ADAM12: variants seen among roughly 807,000 people sequenced by gnomAD.
The protein encoded by ADAM12 is disintegrin and metalloproteinase domain-containing protein 12.
ADAM12 carries 70 observed loss-of-function variants against 106.4 expected under a neutral mutation model. That is an observed-to-expected ratio of 0.66 (90% confidence interval 0.54 to 0.80). The LOEUF (loss-of-function observed/expected upper bound fraction) is 0.80. ADAM12 is among the 30% of genes least tolerant of loss of function. The probability of loss-of-function intolerance (pLI) is 0.00; values close to 1 mark genes in which losing one functional copy is unlikely to be tolerated. For synonymous variants in ADAM12, 420 were observed against 433.5 expected (o/e 0.97, Z 0.39); for missense variants, 1,010 against 1,171.9 (o/e 0.86, Z 2.02).
intron 17 of ADAM12, among the ~76,000 whole-genome samples, chr10:126,044,687 A>T (rs929884724): frequency 6.6e-6 from 1 of 152,220 alleles, no homozygotes; most frequent in Non-Finnish European, 1.5e-5. Context: ...ACTTGTTTTG[A>T]TGAATCAACC....
chr10:126,320,065 ACAAAGGTTTTTACCCTC>A (rs1432617764), intron 2 of ADAM12, among the ~76,000 whole-genome samples: 1 of 152,234 alleles, frequency 6.6e-6, no homozygotes, highest in Non-Finnish European at 1.5e-5. Context: ...CTTCGCTATT[ACAAAGGTTTTTACCCTC>A]CAAAGTTTAG....
rs74157712 is a variant in ADAM12, at chr10:126,025,002, G to C, written c.2530-5177C>G. Among the ~76,000 whole-genome samples, 920 of 152,156 alleles carry C rather than the reference G, an allele frequency of 6.0e-3. 8 individuals carry two copies. The highest frequency in any genetic ancestry group is 0.021 in the African/African-American group (869 of 41,492). On this transcript the variant is annotated intron_variant, in intron 21 of 22. Transcript: ENST00000448723. ...ATTGCAGCAGCCTTACAGAAGAGTG[G>C]CCAGACTGTTAAACAGAAAACAACA... is the stretch of plus-strand genomic sequence containing the variant.
intron 3 of ADAM12, among the ~76,000 whole-genome samples, chr10:126,243,840 T>C (rs1161794908): frequency 2.0e-5 from 3 of 152,186 alleles, no homozygotes; most frequent in African/African-American, 7.2e-5. Flanking sequence ...CTTCTGATTG[T>C]CGTGGGATGG....
intron 2 of ADAM12, among the ~76,000 whole-genome samples, chr10:126,311,092 A>ACACACAC (rs1564724976): frequency 2.2e-5 from 1 of 44,894 alleles, no homozygotes; most frequent in African/African-American, 6.9e-5. Context: ...CATACACACA[A>ACACACAC]ATACACACAC....
At chr10:126,368,255 C>T in intron 1 of ADAM12, among the ~76,000 whole-genome samples, 1 of 151,862 alleles carries the variant, frequency 6.6e-6, no homozygotes, top group South Asian at 2.1e-4. Flanking sequence ...TCAGGCTACC[C>T]AGTTGTTATT....
chr10:126,179,480 G>C (rs1957275683), intron 3 of ADAM12, among the ~76,000 whole-genome samples: 1 of 152,252 alleles, frequency 6.6e-6, no homozygotes, highest in Non-Finnish European at 1.5e-5. Flanking sequence ...GTCAATTCTA[G>C]AGAGAAAGTT....
chr10:126,386,773 G>A (rs1029169763), intron 1 of ADAM12, among the ~76,000 whole-genome samples: 1 of 152,122 alleles, frequency 6.6e-6, no homozygotes, highest in Non-Finnish European at 1.5e-5. Flanking sequence ...GACACTTTCC[G>A]TTTTTTAAAA....
chr10:126,092,051 G>A (rs1232059209), intron 11 of ADAM12, among the ~76,000 whole-genome samples: 1 of 152,054 alleles, frequency 6.6e-6, no homozygotes, highest in Non-Finnish European at 1.5e-5. Context: ...TTTAAAAAAT[G>A]GTGTGAGAAT....
In ADAM12 at chr10:126,117,766, C is replaced by T. The variant is rs1278393; in HGVS notation, c.603+272G>A. Among the ~76,000 whole-genome samples, 13 of 118,000 alleles carry T rather than the reference C, an allele frequency of 1.1e-4. 1 individual carries two copies. The highest frequency in any genetic ancestry group is 4.6e-4 in the Admixed American group (5 of 10,774). The allele number at this position is 118,000 out of a possible 152,430, so 77.4% of individuals were successfully genotyped here. On this transcript the variant is annotated intron_variant, in intron 6 of 22. Coordinates refer to ENST00000448723, the MANE Select transcript of ADAM12 (RefSeq NM_001288973.2). ...CTTGTGGGGGTAGAAGTTGGGGGGGCGTAATTTTGTCATCCTTTGATCCCA... is the reference window on the plus strand; with the variant it reads ...CTTGTGGGGGTAGAAGTTGGGGGGGTGTAATTTTGTCATCCTTTGATCCCA...
chr10:126,135,730 G>A, intron 4 of ADAM12, 70 bp from the exon 5 acceptor site: 2 of 1,319,074 alleles, frequency 1.5e-6, no homozygotes, highest in Non-Finnish European at 2.2e-6. Flanking sequence ...TAAATCAACT[G>A]CCTCTTGTTT....
chr10:126,161,399 G>A (rs565881329), intron 3 of ADAM12, among the ~76,000 whole-genome samples: 11 of 152,256 alleles, frequency 7.2e-5, no homozygotes, highest in East Asian at 1.9e-4. Context: ...GACAGTGTCC[G>A]GGTGGTTTTG....
intron 1 of ADAM12, among the ~76,000 whole-genome samples, chr10:126,369,487 C>T (rs1856036128): frequency 6.6e-6 from 1 of 152,154 alleles, no homozygotes; most frequent in Non-Finnish European, 1.5e-5. Context: ...CAAGAACCGG[C>T]TGCCTGTGAG....
intron 17 of ADAM12, among the ~76,000 whole-genome samples, chr10:126,044,384 C>T (rs1954260453): frequency 6.6e-6 from 1 of 152,092 alleles, no homozygotes; most frequent in African/African-American, 2.4e-5. Flanking sequence ...ATGAGTGGGA[C>T]TACTGCACAA....
intron 3 of ADAM12, among the ~76,000 whole-genome samples, chr10:126,192,304 C>T (rs1957517762): frequency 6.6e-6 from 1 of 152,152 alleles, no homozygotes; most frequent in African/African-American, 2.4e-5. Context: ...GTGCCTGGTA[C>T]ATAGTAAATA....
chr10:126,210,401 G>A (rs945119459), intron 3 of ADAM12, among the ~76,000 whole-genome samples: 6 of 152,172 alleles, frequency 3.9e-5, no homozygotes, highest in African/African-American at 2.4e-5. Flanking sequence ...CATCAGCCCC[G>A]TGTGAGTCAC....
chr10:126,375,712 CAAG>C lies in ADAM12; in HGVS notation c.88+12343_88+12345del, dbSNP rs370121905. Among the ~76,000 whole-genome samples, 52 of 104,804 alleles carry C rather than the reference CAAG, an allele frequency of 5.0e-4. No individual in the cohort carries two copies. In the East Asian group the frequency reaches 5.1e-3, roughly 10 times the overall value. The allele number at this position is 104,804 out of a possible 152,430, so 68.8% of individuals were successfully genotyped here. ...TCATTAAAGTTAAAAAAAAAAAAAA[CAAG>C]GAGACTAGCAATCACTTCTTCTTCT... On this transcript the variant is annotated intron_variant, in intron 1 of 22. Coordinates refer to ENST00000448723, the MANE Select transcript of ADAM12 (RefSeq NM_001288973.2).
intron 11 of ADAM12, among the ~76,000 whole-genome samples, chr10:126,090,498 G>A (rs965987322): frequency 2.0e-5 from 3 of 152,050 alleles, no homozygotes; most frequent in African/African-American, 7.2e-5. Flanking sequence ...CTAAGACCAA[G>A]GGCTCCAAGC....
intron 3 of ADAM12, among the ~76,000 whole-genome samples, chr10:126,244,715 C>T (rs1958595305): frequency 6.6e-6 from 1 of 152,072 alleles, no homozygotes; most frequent in South Asian, 2.1e-4. Flanking sequence ...ATAAGCAGAC[C>T]TATTAATAGA....
chr10:126,061,675 C>T (rs1229449178), intron 14 of ADAM12, among the ~76,000 whole-genome samples: 2 of 152,104 alleles, frequency 1.3e-5, no homozygotes, highest in East Asian at 3.9e-4. Flanking sequence ...CAGAGACTTG[C>T]AGATGCTGTG....
Sources: allele counts gnomAD v4.1 joint callset (sites outside exome capture counted in the v4.1 genomes callset), GRCh38; gene constraint gnomAD v4.1.1; transcripts MANE v1.5; gene names NCBI Gene and HGNC (gene_info 2026-07-23, HGNC 2026-07-21).